The following SGCZ variants were observed in gnomAD, a reference collection of about 807,000 sequenced individuals.
SGCZ encodes the protein sarcoglycan zeta, also known as zeta-sarcoglycan.
Under a neutral mutation model 41.3 loss-of-function variants are expected in SGCZ, and 40 were observed. That is an observed-to-expected ratio of 0.97 (90% confidence interval 0.75 to 1.26). The LOEUF (loss-of-function observed/expected upper bound fraction) is 1.26, where lower values mean the gene tolerates loss of function less well. Among genes scored for constraint, SGCZ ranks in the 50% most tolerant of loss-of-function variants. The pLI is 0.00. For missense variants in SGCZ, 552 were observed against 369.8 expected, an observed-to-expected ratio of 1.49 and a Z score of -4.04; for synonymous variants, 206 against 137.5, an observed-to-expected ratio of 1.50 and a Z score of -3.49.
chr8:14,544,143 C>T (rs993020679), intron 2 of SGCZ, among the ~76,000 whole-genome samples: 1 of 152,108 alleles, frequency 6.6e-6, no homozygotes, highest in African/African-American at 2.4e-5. Context: ...GGCAGCGGAA[C>T]ATAAATTCTG....
At chr8:15,062,779 C>G (rs1305234250) in intron 1 of SGCZ, among the ~76,000 whole-genome samples, 1 of 152,030 alleles carries the variant, frequency 6.6e-6, no homozygotes, top group Non-Finnish European at 1.5e-5. Context: ...TTTGTTAAAC[C>G]CTTTTTACAG....
intron 2 of SGCZ, among the ~76,000 whole-genome samples, chr8:14,396,455 G>C (rs1798923401): frequency 6.6e-6 from 1 of 152,070 alleles, no homozygotes; most frequent in Non-Finnish European, 1.5e-5. Context: ...ACTTAGGCGT[G>C]AAGGATTTTG....
intron 1 of SGCZ, among the ~76,000 whole-genome samples, chr8:14,841,932 A>G (rs1431746924): frequency 6.6e-6 from 1 of 152,170 alleles, no homozygotes; most frequent in African/African-American, 2.4e-5. Context: ...TTTGGCTTCC[A>G]TAATAGAATC....
chr8:14,964,659 TG>T (rs1213419601), intron 1 of SGCZ, among the ~76,000 whole-genome samples: 3 of 152,118 alleles, frequency 2.0e-5, no homozygotes, highest in African/African-American at 4.8e-5. Context: ...ACAAGCGTTA[TG>T]GTTCTTTTTT....
At chr8:14,448,918 C>T (rs1800512246) in intron 2 of SGCZ, among the ~76,000 whole-genome samples, 1 of 152,104 alleles carries the variant, frequency 6.6e-6, no homozygotes, top group Non-Finnish European at 1.5e-5. Context: ...TAGGCATGAC[C>T]AAAAAAGTTA....
At chr8:15,110,755 G>C (rs768438745) in intron 1 of SGCZ, among the ~76,000 whole-genome samples, 15 of 152,100 alleles carry the variant, frequency 9.9e-5, no homozygotes, top group African/African-American at 3.4e-4. Context: ...GATCACCTGA[G>C]GTCAGGAGTT....
intron 1 of SGCZ, among the ~76,000 whole-genome samples, chr8:14,635,061 TA>T (rs1334250470): frequency 3.0e-5 from 4 of 132,184 alleles, no homozygotes; most frequent in African/African-American, 2.7e-5. Flanking sequence ...GAAATAGTAT[TA>T]TAATTTAAAA....
chr8:14,140,132 TA>T (rs1803322005), intron 5 of SGCZ, among the ~76,000 whole-genome samples: 1 of 152,178 alleles, frequency 6.6e-6, no homozygotes, highest in Non-Finnish European at 1.5e-5. Flanking sequence ...ACCTTCATGC[TA>T]AAAACTGTCA....
chr8:14,672,377 T>C (rs1304730753), intron 1 of SGCZ, among the ~76,000 whole-genome samples: 1 of 152,218 alleles, frequency 6.6e-6, no homozygotes, highest in Non-Finnish European at 1.5e-5. Context: ...ATTTTAAGAA[T>C]ATTCTTGCAA....
intron 1 of SGCZ, among the ~76,000 whole-genome samples, chr8:15,085,121 G>A (rs528786446): frequency 2.0e-5 from 3 of 152,258 alleles, no homozygotes; most frequent in East Asian, 3.9e-4. Context: ...TGAGGCCTCA[G>A]AGAGTTAAAT....
At chr8:15,066,927 T>C (rs1218475836) in intron 1 of SGCZ, among the ~76,000 whole-genome samples, 1 of 152,156 alleles carries the variant, frequency 6.6e-6, no homozygotes, top group Non-Finnish European at 1.5e-5. Flanking sequence ...TCAAAAGTAA[T>C]ACCTTTATAC....
At chr8:15,023,167 G>A (rs1323783939) in intron 1 of SGCZ, among the ~76,000 whole-genome samples, 1 of 152,140 alleles carries the variant, frequency 6.6e-6, no homozygotes, top group Non-Finnish European at 1.5e-5. Flanking sequence ...GCTGAAAATT[G>A]AACATGAAAC....
At chr8:15,211,857 G>A (rs75969571) in intron 1 of SGCZ, among the ~76,000 whole-genome samples, 8,081 of 152,028 alleles carry the variant, frequency 0.053, 239 homozygotes, top group South Asian at 0.074. Context: ...GTAAATAACT[G>A]GAAACTCATC....
At chr8:14,496,478 G>C (rs768339) in intron 2 of SGCZ, among the ~76,000 whole-genome samples, 38 of 151,780 alleles carry the variant, frequency 2.5e-4, no homozygotes, top group Non-Finnish European at 5.0e-4. Flanking sequence ...GGGAGTATTT[G>C]GTGCATCTTA....
At chr8:14,723,286 C>T (rs1203768682) in intron 1 of SGCZ, among the ~76,000 whole-genome samples, 1 of 152,200 alleles carries the variant, frequency 6.6e-6, no homozygotes, top group Non-Finnish European at 1.5e-5. Context: ...GCTGAGAACC[C>T]TGTGTAGGAT....
intron 5 of SGCZ, among the ~76,000 whole-genome samples, chr8:14,140,294 A>G (rs1003539698): frequency 1.3e-5 from 2 of 152,184 alleles, no homozygotes; most frequent in African/African-American, 4.8e-5. Flanking sequence ...ACTCATATTC[A>G]ACATACTGTT....
intron 2 of SGCZ, among the ~76,000 whole-genome samples, chr8:14,451,308 G>C (rs181307168): frequency 6.6e-6 from 1 of 152,284 alleles, no homozygotes; most frequent in East Asian, 1.9e-4. Flanking sequence ...TGAAGGTTCA[G>C]TGATCTTAGA....
chr8:14,466,434 A>C (rs1275838034), intron 2 of SGCZ, among the ~76,000 whole-genome samples: 1 of 151,982 alleles, frequency 6.6e-6, no homozygotes, highest in African/African-American at 2.4e-5. Context: ...CTAGATTATA[A>C]CATGTATTGA....
intron 1 of SGCZ, among the ~76,000 whole-genome samples, chr8:14,603,181 C>T (rs1035421412): frequency 6.6e-6 from 1 of 152,018 alleles, no homozygotes; most frequent in African/African-American, 2.4e-5. Flanking sequence ...TCTTGAAGAC[C>T]ACTAGCTTTG....
Sources: gnomAD v4.1 joint callset for allele counts (sites outside exome capture counted in the v4.1 genomes callset) on GRCh38, gnomAD v4.1.1 for gene constraint, MANE v1.5 for transcripts, NCBI Gene and HGNC (gene_info 2026-07-23, HGNC 2026-07-21) for gene names.